The following GRM3 variants were observed in gnomAD, a reference collection of about 807,000 sequenced individuals.
The protein encoded by GRM3 is glutamate metabotropic receptor 3.
Under a neutral mutation model 70.5 loss-of-function variants are expected in GRM3, and 26 were observed. The observed-to-expected ratio is 0.37, with a 90% CI of 0.27 to 0.51. The LOEUF is 0.51. Ranked by LOEUF, GRM3 falls within the 20% of genes least tolerant of loss-of-function variation. The pLI, the probability that GRM3 is intolerant of heterozygous loss-of-function variation, is 0.93. For synonymous variants in GRM3, 443 were observed against 434.9 expected, an observed-to-expected ratio of 1.02 and a Z score of -0.23; for missense variants, 859 against 1,123.8, an observed-to-expected ratio of 0.76 and a Z score of 3.37.
intron 4 of GRM3, among the ~76,000 whole-genome samples, chr7:86,845,279 T>C (rs1441966012): frequency 6.6e-6 from 1 of 152,186 alleles, no homozygotes; most frequent in African/African-American, 2.4e-5. Flanking sequence ...TTACTTTCTT[T>C]TTGCCTTAGG....
At chr7:86,716,627 C>A (rs1445829796) in intron 1 of GRM3, among the ~76,000 whole-genome samples, 1 of 150,146 alleles carries the variant, frequency 6.7e-6, no homozygotes, top group Non-Finnish European at 1.5e-5. Context: ...CAAACAAGAT[C>A]ATGGAAGGGA....
chr7:86,645,561 A>C (rs1744113633), intron 1 of GRM3, among the ~76,000 whole-genome samples: 1 of 152,190 alleles, frequency 6.6e-6, no homozygotes, highest in Admixed American at 6.5e-5. Context: ...AAAATAGACT[A>C]GGTGATATAT....
chr7:86,662,015 G>T (rs1019745962), intron 1 of GRM3, among the ~76,000 whole-genome samples: 17 of 151,754 alleles, frequency 1.1e-4, no homozygotes, highest in Non-Finnish European at 1.9e-4. Context: ...TAAAATGAAT[G>T]GTATCAGGGT....
At chr7:86,864,220 T>A in intron 5 of GRM3, 62 bp from the exon 6 acceptor site, 2 of 837,156 alleles carry the variant, frequency 2.4e-6, no homozygotes, top group Non-Finnish European at 2.1e-6. Flanking sequence ...GTATCCTTCA[T>A]GCTATTACCT....
intron 1 of GRM3, among the ~76,000 whole-genome samples, chr7:86,724,774 A>G (rs1419696135): frequency 7.5e-6 from 1 of 132,886 alleles, no homozygotes; most frequent in Non-Finnish European, 1.6e-5. Context: ...GATTATTTGC[A>G]AAAGCCTATT....
At chr7:86,815,298 T>C (rs748690682) in intron 3 of GRM3, among the ~76,000 whole-genome samples, 5 of 151,642 alleles carry the variant, frequency 3.3e-5, no homozygotes, top group Non-Finnish European at 5.9e-5. Flanking sequence ...AGGGCTGAGA[T>C]ACACATATGG....
intron 2 of GRM3, chr7:86,784,805 T>C (rs2116529196): frequency 6.6e-6 from 1 of 152,382 alleles, no homozygotes; most frequent in African/African-American, 2.4e-5. Flanking sequence ...CCCAGATTTC[T>C]AGCTGTTTTA....
At chr7:86,708,950 C>T (rs1197086175) in intron 1 of GRM3, among the ~76,000 whole-genome samples, 4 of 151,460 alleles carry the variant, frequency 2.6e-5, no homozygotes, top group East Asian at 1.9e-4. Context: ...TACATATACA[C>T]ACACACACAC....
intron 1 of GRM3, among the ~76,000 whole-genome samples, chr7:86,683,512 G>A (rs961015826): frequency 1.3e-5 from 2 of 152,160 alleles, no homozygotes; most frequent in African/African-American, 2.4e-5. Flanking sequence ...GGTCCTATGT[G>A]AGAGGCAGAT....
At chr7:86,851,959 G>A (rs1798762597) in intron 5 of GRM3, among the ~76,000 whole-genome samples, 1 of 152,162 alleles carries the variant, frequency 6.6e-6, no homozygotes, top group African/African-American at 2.4e-5. Flanking sequence ...CATTTGTTGA[G>A]TGTTTTTCAT....
chr7:86,739,442 A>G (rs1209295533), intron 1 of GRM3, among the ~76,000 whole-genome samples: 1 of 152,096 alleles, frequency 6.6e-6, no homozygotes, highest in Non-Finnish European at 1.5e-5. Context: ...GGGTAAGATC[A>G]TTTGTCTTTC....
intron 1 of GRM3, among the ~76,000 whole-genome samples, chr7:86,652,531 G>A (rs1456949835): frequency 6.6e-6 from 1 of 151,930 alleles, no homozygotes; most frequent in African/African-American, 2.4e-5. Context: ...GGGTTTCACC[G>A]TGTTTGCTAG....
At chr7:86,739,361 TCCTTCCAGTAA>T (rs1283653104) in intron 1 of GRM3, among the ~76,000 whole-genome samples, 7 of 152,204 alleles carry the variant, frequency 4.6e-5, no homozygotes, top group African/African-American at 7.2e-5. Flanking sequence ...TTCATCCCCC[TCCTTCCAGTAA>T]CCTTCCAGTA....
chr7:86,699,619 T>C (rs1794904342), intron 1 of GRM3, among the ~76,000 whole-genome samples: 1 of 152,046 alleles, frequency 6.6e-6, no homozygotes, highest in South Asian at 2.1e-4. Flanking sequence ...ATTTTGAACA[T>C]GTCTTATTTA....
chr7:86,819,413 AATGAGTTGCC>A (rs1798075610), intron 3 of GRM3, among the ~76,000 whole-genome samples: 1 of 152,120 alleles, frequency 6.6e-6, no homozygotes. Context: ...TTGTACTTCA[AATGAGTTGCC>A]ATATAATGCA....
chr7:86,686,935 C>T (rs931374111), intron 1 of GRM3, among the ~76,000 whole-genome samples: 6 of 151,730 alleles, frequency 4.0e-5, no homozygotes, highest in Admixed American at 1.3e-4. Flanking sequence ...AACTGAAATC[C>T]TGCAACTGAA....
intron 1 of GRM3, among the ~76,000 whole-genome samples, chr7:86,672,454 T>C (rs1469734671): frequency 6.6e-6 from 1 of 152,236 alleles, no homozygotes; most frequent in Non-Finnish European, 1.5e-5. Context: ...AGGTGACTTA[T>C]GGGGCACGTT....
At chr7:86,852,225 T>C (rs1798767950) in intron 5 of GRM3, among the ~76,000 whole-genome samples, 2 of 152,180 alleles carry the variant, frequency 1.3e-5, no homozygotes. Flanking sequence ...AAGAAGGTTA[T>C]CCAAGCAAAA....
At chr7:86,662,717 A>G (rs565479161) in intron 1 of GRM3, among the ~76,000 whole-genome samples, 2 of 152,126 alleles carry the variant, frequency 1.3e-5, no homozygotes, top group East Asian at 3.9e-4. Flanking sequence ...ACTTTTAGAA[A>G]TCAATTTCTG....
Sources: allele counts gnomAD v4.1 joint callset (sites outside exome capture counted in the v4.1 genomes callset), GRCh38; gene constraint gnomAD v4.1.1; transcripts MANE v1.5; gene names NCBI Gene and HGNC (gene_info 2026-07-23, HGNC 2026-07-21).